Variants in COX10 observed in about 807,000 individuals in gnomAD.
COX10 encodes cytochrome c oxidase assembly factor heme A:farnesyltransferase COX10, also known as protoheme IX farnesyltransferase, mitochondrial.
COX10 carries 27 observed loss-of-function variants against 37.3 expected under a neutral mutation model. That is an observed-to-expected ratio of 0.72 (90% CI 0.53 to 1.00). COX10 has a LOEUF of 1.00. Among genes scored for constraint, COX10 ranks in the 50% least tolerant of loss-of-function variants. COX10 has a pLI of 0.00. For synonymous variants in COX10, 222 were observed against 229.1 expected, an observed-to-expected ratio of 0.97 and a Z score of 0.28; for missense variants, 475 against 563.2, an observed-to-expected ratio of 0.84 and a Z score of 1.59.
chr17:14,081,053 G>T (rs911730140), intron 3 of COX10, among the ~76,000 whole-genome samples: 2 of 152,130 alleles, frequency 1.3e-5, no homozygotes, highest in African/African-American at 4.8e-5. Context: ...ATAGAGCAAG[G>T]ATCACCTGTT....
At chr17:14,100,625 A>G (rs1434341384) in intron 3 of COX10, among the ~76,000 whole-genome samples, 4 of 152,210 alleles carry the variant, frequency 2.6e-5, no homozygotes, top group Non-Finnish European at 5.9e-5. Flanking sequence ...AAGAAGTCTC[A>G]TGAATGGATA....
chr17:14,116,515 C>G (rs1411936832), intron 4 of COX10, among the ~76,000 whole-genome samples: 1 of 152,152 alleles, frequency 6.6e-6, no homozygotes, highest in Non-Finnish European at 1.5e-5. Flanking sequence ...CAAACCTGCT[C>G]TGACTTCCAT....
At chr17:14,094,945 T>C (rs996516169) in intron 3 of COX10, among the ~76,000 whole-genome samples, 10 of 152,110 alleles carry the variant, frequency 6.6e-5, no homozygotes, top group Non-Finnish European at 1.5e-5. Flanking sequence ...ACATTTAGCT[T>C]GGAGGGACAG....
intron 4 of COX10, among the ~76,000 whole-genome samples, chr17:14,127,808 C>T (rs1236698970): frequency 6.6e-6 from 1 of 152,032 alleles, no homozygotes; most frequent in Non-Finnish European, 1.5e-5. Flanking sequence ...TATTATTTTG[C>T]CCTCAAGTAC....
At chr17:14,182,908 A>G (rs1308515950) in intron 5 of COX10, among the ~76,000 whole-genome samples, 5 of 152,002 alleles carry the variant, frequency 3.3e-5, no homozygotes, top group Non-Finnish European at 7.4e-5. Flanking sequence ...TTTAAATTAC[A>G]TTTATTAAGT....
chr17:14,160,607 C>T (rs930455923), intron 5 of COX10, among the ~76,000 whole-genome samples: 31 of 152,076 alleles, frequency 2.0e-4, no homozygotes, highest in African/African-American at 7.2e-4. Context: ...AGGCAATGCC[C>T]TCATGGAGCT....
chr17:14,083,941 C>T (rs773709925), intron 3 of COX10, among the ~76,000 whole-genome samples: 6 of 152,102 alleles, frequency 3.9e-5, no homozygotes, highest in Non-Finnish European at 7.4e-5. Context: ...AAAGCTGCAA[C>T]ACGTTTTTTG....
At chr17:14,114,937 C>G (rs958886746) in intron 4 of COX10, among the ~76,000 whole-genome samples, 4 of 152,240 alleles carry the variant, frequency 2.6e-5, no homozygotes, top group Middle Eastern at 3.4e-3. Context: ...TCTCCTAACT[C>G]CTTGTATATG....
chr17:14,095,308 T>C (rs899714263), intron 3 of COX10, among the ~76,000 whole-genome samples: 26 of 152,206 alleles, frequency 1.7e-4, no homozygotes, highest in African/African-American at 5.5e-4. Context: ...TCCTTTGTAG[T>C]AGCTGCTTAA....
intron 6 of COX10, among the ~76,000 whole-genome samples, chr17:14,204,977 T>C (rs1270070179): frequency 1.3e-5 from 2 of 152,044 alleles, no homozygotes; most frequent in East Asian, 3.9e-4. Context: ...TTTGGTGACG[T>C]GCACCTATAG....
chr17:14,200,475 A>T (rs574865257), intron 6 of COX10, among the ~76,000 whole-genome samples: 1 of 152,220 alleles, frequency 6.6e-6, no homozygotes. Flanking sequence ...GCCAGGTGCC[A>T]CTGGATGGGG....
At chr17:14,196,751 C>T (rs2529627) in intron 6 of COX10, among the ~76,000 whole-genome samples, 84,931 of 152,052 alleles carry the variant, frequency 0.56, 24,006 homozygotes, top group East Asian at 0.6. Flanking sequence ...ACTTCCTTCT[C>T]TCTCCACTAG....
At chr17:14,132,409 C>A (rs542752247) in intron 4 of COX10, among the ~76,000 whole-genome samples, 94 of 151,980 alleles carry the variant, frequency 6.2e-4, no homozygotes, top group Middle Eastern at 3.4e-3. Context: ...TGAGACAGCA[C>A]GAAGGTATGA....
intron 5 of COX10, among the ~76,000 whole-genome samples, chr17:14,163,889 A>G (rs1404972233): frequency 1.3e-5 from 2 of 151,970 alleles, no homozygotes; most frequent in Non-Finnish European, 2.9e-5. Context: ...TGTTTTTACA[A>G]TTCACTCTAT....
intron 5 of COX10, among the ~76,000 whole-genome samples, chr17:14,174,451 CCT>C: frequency 7.4e-6 from 1 of 135,604 alleles, no homozygotes. Flanking sequence ...AGAGCAAGAC[CCT>C]GTCAAAAAAA....
chr17:14,142,923 G>GATATTA (rs1904590597), intron 4 of COX10, among the ~76,000 whole-genome samples: 1 of 152,096 alleles, frequency 6.6e-6, no homozygotes, highest in African/African-American at 2.4e-5. Flanking sequence ...CAGGGTTCTG[G>GATATTA]GGAATTACCC....
intron 3 of COX10, among the ~76,000 whole-genome samples, chr17:14,091,800 A>G (rs1915534686): frequency 2.0e-5 from 3 of 152,302 alleles, no homozygotes; most frequent in South Asian, 4.1e-4. Context: ...TTAAGTGTTT[A>G]TCTTGTACAA....
chr17:14,181,612 A>G (rs1470312934), intron 5 of COX10, among the ~76,000 whole-genome samples: 5 of 152,208 alleles, frequency 3.3e-5, no homozygotes, highest in Admixed American at 3.3e-4. Context: ...TTTTTTAAGT[A>G]GAGTCTTATA....
At chr17:14,163,706 CA>C (rs1905217742) in intron 5 of COX10, among the ~76,000 whole-genome samples, 1 of 152,182 alleles carries the variant, frequency 6.6e-6, no homozygotes, top group Admixed American at 6.5e-5. Context: ...CATCGTGATG[CA>C]AGAAATCAAA....
Sources: gnomAD v4.1 joint callset for allele counts (sites outside exome capture counted in the v4.1 genomes callset) on GRCh38, gnomAD v4.1.1 for gene constraint, MANE v1.5 for transcripts, NCBI Gene and HGNC (gene_info 2026-07-23, HGNC 2026-07-21) for gene names.